The following SHROOM4 variants were observed in gnomAD, a reference collection of about 807,000 sequenced individuals.
SHROOM4 encodes protein Shroom4.
SHROOM4 carries 17 observed loss-of-function variants against 80.3 expected under a neutral mutation model. That is an observed-to-expected ratio of 0.21 (90% CI 0.14 to 0.32). The LOEUF (loss-of-function observed/expected upper bound fraction) is 0.32. Among genes scored for constraint, SHROOM4 ranks in the 10% least tolerant of loss-of-function variants. The pLI is 1.00. For missense variants in SHROOM4, 993 were observed against 1,140.3 expected, an observed-to-expected ratio of 0.87 and a Z score of 1.86; for synonymous variants, 400 against 437.5, an observed-to-expected ratio of 0.91 and a Z score of 1.07.
At chrX:50,804,416 T>A (rs1416255875) in intron 1 of SHROOM4, among the ~76,000 whole-genome samples, 3 of 112,075 alleles carry the variant, frequency 2.7e-5, no homozygotes, top group Non-Finnish European at 5.6e-5. Context: ...TAGATACTCA[T>A]AATATTATCA....
intron 1 of SHROOM4, among the ~76,000 whole-genome samples, chrX:50,778,338 T>C (rs1176493763): frequency 1.8e-5 from 2 of 112,355 alleles, no homozygotes; most frequent in Middle Eastern, 4.6e-3. Flanking sequence ...TAGACCCTCA[T>C]TGCAAGTTAT....
intron 2 of SHROOM4, among the ~76,000 whole-genome samples, chrX:50,695,055 G>A (rs1933336273): frequency 1.8e-5 from 2 of 111,388 alleles, no homozygotes; most frequent in Admixed American, 9.5e-5. Flanking sequence ...TGCTTTTGGT[G>A]GTAGCAGAAT....
chrX:50,718,658 T>C (rs1934030118), intron 1 of SHROOM4, among the ~76,000 whole-genome samples: 1 of 111,690 alleles, frequency 9.0e-6, no homozygotes, highest in Non-Finnish European at 1.9e-5. Context: ...GGAAACACAC[T>C]TTAGCAGCAG....
chrX:50,660,337 G>A (rs782091219), intron 2 of SHROOM4, among the ~76,000 whole-genome samples: 26 of 111,404 alleles, frequency 2.3e-4, no homozygotes, highest in African/African-American at 8.1e-4. Context: ...AGATGCTGCT[G>A]ATCCAAGGAC....
chrX:50,661,265 C>T lies in SHROOM4; in HGVS notation c.270-22957G>A, dbSNP rs143487802. The stretch of plus-strand genomic sequence containing the variant: ...ACAGGGTCTCATTCTATCGCCCAGG[C>T]TGGAGTGCAGTGGTGCGATCTCCAC... On this transcript the variant is annotated intron_variant, in intron 2 of 8. Coordinates refer to ENST00000376020, the MANE Select transcript of SHROOM4 (RefSeq NM_020717.5). Among the ~76,000 whole-genome samples, 147 of 111,461 alleles carry T rather than the reference C, an allele frequency of 1.3e-3. 2 individuals are homozygous for T. The East Asian group carries it at 0.03, about 23-fold the overall frequency.
chrX:50,687,304 CATAG>C (rs1331172366), intron 2 of SHROOM4: 1 of 104,033 alleles, frequency 9.6e-6, no homozygotes, highest in Non-Finnish European at 1.9e-5. Flanking sequence ...ATAGACAACA[CATAG>C]ATAGATCAGC....
At chrX:50,579,407 A>T in the SHROOM4 span, among the ~76,000 whole-genome samples, 1 of 112,163 alleles carries the variant, frequency 8.9e-6, no homozygotes. Flanking sequence ...GTCTGCATGG[A>T]TACCATTACC....
chrX:50,765,090 G>C (rs1251244147), intron 1 of SHROOM4, among the ~76,000 whole-genome samples: 1 of 111,455 alleles, frequency 9.0e-6, no homozygotes, highest in African/African-American at 3.3e-5. Context: ...CCTCCCACTA[G>C]GTCCCTCCCA....
At chrX:50,626,704 G>A (rs1930819824) in intron 5 of SHROOM4, among the ~76,000 whole-genome samples, 1 of 111,966 alleles carries the variant, frequency 8.9e-6, no homozygotes, top group Non-Finnish European at 1.9e-5. Flanking sequence ...ATACCTACCT[G>A]ACAGAGTTGT....
chrX:50,797,588 C>T (rs73199932), intron 1 of SHROOM4, among the ~76,000 whole-genome samples: 2,119 of 111,481 alleles, frequency 0.019, 23 homozygotes, highest in Middle Eastern at 0.051. Context: ...AACTATTCTC[C>T]GCCTTTTCAT....
intron 1 of SHROOM4, among the ~76,000 whole-genome samples, chrX:50,808,786 T>C (rs1936276547): frequency 9.1e-6 from 1 of 110,374 alleles, no homozygotes; most frequent in South Asian, 3.9e-4. Context: ...TAAGGGACAA[T>C]GGAGTTGAAT....
chrX:50,662,500 CAA>C (rs34755565), intron 2 of SHROOM4, among the ~76,000 whole-genome samples: 3 of 93,067 alleles, frequency 3.2e-5, no homozygotes, highest in African/African-American at 7.8e-5. Flanking sequence ...GACTCCATCT[CAA>C]AAAAAAAAAA....
rs1557255240 is a variant in SHROOM4 at position 50,634,586 on chromosome X, G to T, written c.1487C>A (p.Pro496Gln). Reference protein sequence around the residue: ...VLGHQSQSSPPHGEADGHPSE... With the variant: ...VLGHQSQSSPQHGEADGHPSE... Reference sequence around the variant, plus strand: ...GGGGTGTCCATCAGCCTCTCCATGTGGGGGACTGCTTTGGCTCTGGTGTCC... The same window carrying T: ...GGGGTGTCCATCAGCCTCTCCATGTTGGGGACTGCTTTGGCTCTGGTGTCC... Residue 496 changes from proline to glutamine, a missense_variant, in exon 4 of 9, where the codon CCA becomes CAA. Coordinates refer to ENST00000376020, the MANE Select transcript of SHROOM4 (RefSeq NM_020717.5). 8.3e-7 allele frequency: 1 copy of T among 1,211,830 alleles called. No homozygotes were observed. The highest frequency in any genetic ancestry group is 1.8e-5 in the South Asian group (1 of 56,974).
chrX:50,718,514 G>C (rs1431653483), intron 1 of SHROOM4, among the ~76,000 whole-genome samples: 2 of 29,666 alleles, frequency 6.7e-5, no homozygotes, highest in African/African-American at 9.9e-5. Flanking sequence ...GCCTCTCAAA[G>C]GATCCCATAA....
intron 1 of SHROOM4, among the ~76,000 whole-genome samples, chrX:50,794,533 A>G (rs782707113): frequency 9.1e-6 from 1 of 110,074 alleles, no homozygotes; most frequent in East Asian, 2.9e-4. Flanking sequence ...GCAGCATTTT[A>G]AAGAGACTTT....
chrX:50,610,333 T>TTCTCTCTCTC (rs781880088), intron 5 of SHROOM4, among the ~76,000 whole-genome samples: 2 of 92,663 alleles, frequency 2.2e-5, no homozygotes, highest in African/African-American at 8.9e-5. Flanking sequence ...ACCTGGCATA[T>TTCTCTCTCTC]TCTCTCTCTC....
intron 1 of SHROOM4, among the ~76,000 whole-genome samples, chrX:50,766,752 A>G (rs1005988870): frequency 8.9e-6 from 1 of 111,962 alleles, no homozygotes; most frequent in Middle Eastern, 4.6e-3. Flanking sequence ...ATAGTTTTGC[A>G]TAGTGAAATA....
intron 1 of SHROOM4, among the ~76,000 whole-genome samples, chrX:50,719,076 T>C (rs781861925): frequency 2.3e-4 from 26 of 112,065 alleles, no homozygotes; most frequent in African/African-American, 7.8e-4. Context: ...CCAAACTATA[T>C]TTTTGGATAG....
intron 1 of SHROOM4, among the ~76,000 whole-genome samples, chrX:50,783,824 C>T (rs1483940643): frequency 1.2e-4 from 13 of 111,918 alleles, no homozygotes; most frequent in African/African-American, 3.6e-4. Flanking sequence ...GATCCACCCG[C>T]CTCAGCCACC....
Sources: gnomAD v4.1 joint callset for allele counts (sites outside exome capture counted in the v4.1 genomes callset) on GRCh38, gnomAD v4.1.1 for gene constraint, MANE v1.5 for transcripts, NCBI Gene and HGNC (gene_info 2026-07-23, HGNC 2026-07-21) for gene names.